Variants in ITIH6 observed in about 807,000 individuals in gnomAD.
ITIH6 encodes inter-alpha-trypsin inhibitor heavy chain H6.
Under a neutral mutation model 58.2 loss-of-function variants are expected in ITIH6, and 60 were observed. The observed-to-expected ratio is 1.03, with a 90% CI of 0.84 to 1.28. The LOEUF (loss-of-function observed/expected upper bound fraction) is 1.28. Ranked by LOEUF, ITIH6 falls within the 50% of genes most tolerant of loss-of-function variation. The pLI is 0.00. For synonymous variants in ITIH6, 493 were observed against 417.4 expected, an observed-to-expected ratio of 1.18 and a Z score of -2.21; for missense variants, 1,290 against 1,021.1, an observed-to-expected ratio of 1.26 and a Z score of -3.59.
chrX:54,791,878 A>C (rs998978536), intron 3 of ITIH6, 48 bp downstream of exon 3: 1 of 736,683 alleles, frequency 1.4e-6, no homozygotes, highest in African/African-American at 2.1e-5. Context: ...TCCCCTGATC[A>C]CACAGCTAAG....
Position 54,751,220 on chromosome X carries a change from G to T in ITIH6, c.3513C>A (p.Thr1171=). The T allele has an allele frequency of 8.3e-7, 1 of 1,211,954 alleles. No individual in the cohort carries two copies. Among genetic ancestry groups the T allele is most frequent in the Non-Finnish European group, 1.1e-6 (1 of 895,494 alleles). ...RSSISLRGEG[T]LRLSWDQPAL... is the part of the protein sequence containing the mutation. The stretch of plus-strand genomic sequence containing the variant: ...CAGGTTGGTCCCAGGACAGGCGCAA[G>T]GTACCCTCGCCTCGCAAAGATATAG... The change falls in exon 12 of 13, where the codon ACC becomes ACA. Residue 1171 remains threonine, a synonymous_variant. Transcript: ENST00000218436.
intron 6 of ITIH6, among the ~76,000 whole-genome samples, chrX:54,764,006 C>A (rs1928712796): frequency 8.9e-6 from 1 of 111,890 alleles, no homozygotes; most frequent in South Asian, 3.7e-4. Flanking sequence ...ATACAGCTAC[C>A]CCAGCCAGCT....
intron 6 of ITIH6, among the ~76,000 whole-genome samples, chrX:54,770,249 C>T (rs1353148843): frequency 1.8e-5 from 2 of 112,605 alleles, no homozygotes; most frequent in Non-Finnish European, 3.8e-5. Flanking sequence ...GCGCATGGTG[C>T]GCGCACCCAC....
chrX:54,770,972 A>ACAT (rs1270667420), intron 6 of ITIH6, among the ~76,000 whole-genome samples: 1 of 111,610 alleles, frequency 9.0e-6, no homozygotes, highest in Non-Finnish European at 1.9e-5. Flanking sequence ...TTTGATGTAT[A>ACAT]CAGAATTCTA....
At chrX:54,750,211 G>T in intron 12 of ITIH6, 105 bp from the exon 13 acceptor site, 1 of 621,739 alleles carries the variant, frequency 1.6e-6, no homozygotes, top group Non-Finnish European at 2.5e-6. Context: ...AAAGGAGGAA[G>T]AAGGAGGGGC....
At position 54,759,017 on chromosome X, in the gene ITIH6, G is replaced by A; in HGVS notation, c.1076-19C>T. Reference sequence around the variant, plus strand: ...TCTGTCCCTAATTGGGGAATAGATTGTGAGACCATCTTCTCTGGTCACTTC... The same window carrying A: ...TCTGTCCCTAATTGGGGAATAGATTATGAGACCATCTTCTCTGGTCACTTC... On this transcript the variant is annotated intron_variant, in intron 7 of 12. Transcript: ENST00000218436. 1 of 1,085,463 alleles carries A rather than the reference G, an allele frequency of 9.2e-7. No individual in the cohort carries two copies. Among genetic ancestry groups the A allele is most frequent in the Non-Finnish European group, 1.2e-6 (1 of 815,716 alleles). The allele number at this position is 1,085,463 out of a possible 1,213,427, so 89.5% of individuals were successfully genotyped here. A position where few individuals can be genotyped will look rare whatever the true frequency, so the allele number is the denominator to read the frequency against.
At position 54,758,597 on chromosome X, in the gene ITIH6, C is replaced by T. The variant is rs182249102; in HGVS notation, c.1477G>A (p.Val493Ile). The change falls in exon 8 of 13, where the codon GTT becomes ATT. Residue 493 changes from valine (V) to isoleucine (I), a missense_variant. Val to Ile is a conservative substitution (Grantham distance 29). Coordinates refer to ENST00000218436, the MANE Select transcript of ITIH6 (RefSeq NM_198510.3). ...GGLVGASPWA[V>I]FPNYFGGSEL... ...GAGCCACCAAAGTAGTTGGGGAAAA[C>T]GGCCCAAGGGGAGGCCCCAACCAAG... is the stretch of plus-strand genomic sequence containing the variant. The T allele has an allele frequency of 1.2e-5, 14 of 1,209,193 alleles. No homozygotes were observed. Among genetic ancestry groups the T allele is most frequent in the South Asian group, 1.1e-4 (6 of 56,615 alleles).
At chrX:54,775,752 C>T (rs1365570983) in intron 5 of ITIH6, among the ~76,000 whole-genome samples, 1 of 111,499 alleles carries the variant, frequency 9.0e-6, no homozygotes, top group Non-Finnish European at 1.9e-5. Context: ...AAGTGCAGAT[C>T]ACTCCTGGGG....
At chrX:54,761,394 T>C (rs780914880) in intron 6 of ITIH6, among the ~76,000 whole-genome samples, 1 of 111,666 alleles carries the variant, frequency 9.0e-6, no homozygotes, top group South Asian at 3.7e-4. Context: ...GGTTGCCTGT[T>C]CAGTCTGATG....
chrX:54,757,641 T>C lies in ITIH6; in HGVS notation c.2433A>G (p.Gly811=). 1 of 1,210,935 alleles carries C rather than the reference T, an allele frequency of 8.3e-7. No individual in the cohort carries two copies. Among genetic ancestry groups the C allele is most frequent in the Non-Finnish European group, 1.1e-6 (1 of 895,173 alleles). ...APKGLPQSRP[G]VSTLQVPKYP... ...ACTTGGGAACCTGAAGTGTAGAGAC[T>C]CCAGGTCTTGACTGTGGCAGGCCTT... The change falls in exon 8 of 13, where the codon GGA becomes GGG. Residue 811 remains glycine, a synonymous_variant. Transcript: ENST00000218436.
intron 5 of ITIH6, among the ~76,000 whole-genome samples, chrX:54,776,532 A>G (rs1483421732): frequency 4.6e-5 from 5 of 109,098 alleles, no homozygotes; most frequent in Non-Finnish European, 9.5e-5. Context: ...TCCAAAAGAG[A>G]CCCCTTCATT....
At chrX:54,773,389 T>C (rs1928991188) in intron 6 of ITIH6, among the ~76,000 whole-genome samples, 1 of 111,543 alleles carries the variant, frequency 9.0e-6, no homozygotes, top group African/African-American at 3.3e-5. Context: ...CCCAGGTTGC[T>C]CAACTCTGGT....
intron 4 of ITIH6, among the ~76,000 whole-genome samples, chrX:54,788,997 C>T (rs187236708): frequency 8.9e-6 from 1 of 112,694 alleles, no homozygotes; most frequent in East Asian, 2.8e-4. Context: ...CGGAGGTACG[C>T]CAGCAGCCCT....
In ITIH6 at chrX:54,767,549, C is replaced by T. The variant is rs1290372763; in HGVS notation, c.903+6532G>A. 3.0e-5 allele frequency among the ~76,000 whole-genome samples: 3 copies of T among 99,701 alleles called. No homozygotes were observed. In the Admixed American group the frequency reaches 3.2e-4, roughly 10 times the overall value. 86.6% of individuals were successfully genotyped at this position (99,701 alleles called of 115,157 possible). A position where few individuals can be genotyped will look rare whatever the true frequency, so the allele number is the denominator to read the frequency against. On this transcript the variant is annotated intron_variant, in intron 6 of 12. Transcript: ENST00000218436. ...ATTTAGTGCTATAAATTTCCCTCTA[C>T]ACACTGCTTTGAATGCGTCCCAGAG...
In ITIH6 at chrX:54,757,718, G is replaced by A. The variant is rs1928527851; in HGVS notation, c.2356C>T (p.Pro786Ser). The A allele has an allele frequency of 8.3e-7, 1 of 1,211,690 alleles. No individual in the cohort carries two copies. The highest frequency in any genetic ancestry group is 1.1e-6 in the Non-Finnish European group (1 of 895,439). ...VKCVTPLHSKPGAPSHPQLGA... is the reference protein window; with the variant it reads ...VKCVTPLHSKSGAPSHPQLGA... ...AGTTGGGGGTGCGATGGAGCACCAGGTTTGGAATGCAGTGGAGTAACACAT... is the reference window on the plus strand; with the variant it reads ...AGTTGGGGGTGCGATGGAGCACCAGATTTGGAATGCAGTGGAGTAACACAT... Residue 786 changes from proline (P) to serine (S), a missense_variant, in exon 8 of 13, where the codon CCT becomes TCT. Pro to Ser is a moderately conservative substitution (Grantham distance 74, BLOSUM62 -1). Coordinates refer to ENST00000218436, the MANE Select transcript of ITIH6 (RefSeq NM_198510.3).
At chrX:54,750,665 A>G (rs1928333796) in intron 12 of ITIH6, among the ~76,000 whole-genome samples, 1 of 111,333 alleles carries the variant, frequency 9.0e-6, no homozygotes, top group South Asian at 3.8e-4. Flanking sequence ...TATTTCCTCC[A>G]ACTTCCATTC....
At chrX:54,751,720 C>T (rs980125399) in intron 11 of ITIH6, among the ~76,000 whole-genome samples, 4 of 111,235 alleles carry the variant, frequency 3.6e-5, no homozygotes, top group Admixed American at 9.5e-5. Context: ...TGTTAGAGTG[C>T]GTATTTTTGC....
intron 5 of ITIH6, among the ~76,000 whole-genome samples, chrX:54,780,433 A>G (rs1359187040): frequency 8.9e-6 from 1 of 112,451 alleles, no homozygotes; most frequent in Non-Finnish European, 1.9e-5. Context: ...TGGGTCAATG[A>G]AGAAATTCAG....
intron 6 of ITIH6, among the ~76,000 whole-genome samples, chrX:54,773,276 C>T (rs1036252389): frequency 1.8e-5 from 2 of 111,299 alleles, no homozygotes; most frequent in African/African-American, 6.5e-5. Context: ...GAGATTTTTA[C>T]CCCTCCTCAG....
Sources: gnomAD v4.1 joint callset for allele counts (sites outside exome capture counted in the v4.1 genomes callset) on GRCh38, gnomAD v4.1.1 for gene constraint, MANE v1.5 for transcripts, NCBI Gene and HGNC (gene_info 2026-07-23, HGNC 2026-07-21) for gene names.